The following CAB39L variants were observed in gnomAD, a reference collection of about 807,000 sequenced individuals.
CAB39L encodes calcium-binding protein 39-like.
A neutral mutation model predicts 39.1 loss-of-function variants in CAB39L; 23 were observed. The ratio of observed to expected loss-of-function variants is 0.59; its 90% confidence interval spans 0.42 to 0.83. The LOEUF is 0.83. Ranked by LOEUF, CAB39L falls within the 40% of genes least tolerant of loss-of-function variation. The pLI is 0.00. For synonymous variants in CAB39L, 126 were observed against 137.2 expected, an observed-to-expected ratio of 0.92 and a Z score of 0.57; for missense variants, 366 against 391.9, an observed-to-expected ratio of 0.93 and a Z score of 0.56.
In CAB39L at chr13:49,332,081, C is replaced by G. The variant is rs1954717356; in HGVS notation, c.700G>C (p.Glu234Gln). ...AAGTTGTGACGGTCCAGGATCAGCT[C>G]CCCTAGCAGCTAGAGGAAAACACAA... The part of the protein sequence containing the change: ...TKRQSLKLLG[E>Q]LILDRHNFAI... The change falls in exon 10 of 11, where the codon GAG (glutamate) becomes CAG (glutamine). Residue 234 changes from glutamate (E) to glutamine (Q), a missense_variant. Coordinates refer to ENST00000409308, the MANE Select transcript of CAB39L (RefSeq NM_001079670.3). 1 of 1,613,600 alleles carries G rather than the reference C, an allele frequency of 6.2e-7. No homozygotes were observed. The highest frequency in any genetic ancestry group is 1.1e-5 in the South Asian group (1 of 90,990).
intron 9 of CAB39L, among the ~76,000 whole-genome samples, chr13:49,333,568 CTTTTT>C (rs796079933): frequency 6.3e-5 from 7 of 111,888 alleles, no homozygotes; most frequent in Non-Finnish European, 1.2e-4. Flanking sequence ...TTCTTTCTTT[CTTTTT>C]TTTTTTTTTT....
intron 5 of CAB39L, 50 bp downstream of exon 5, chr13:49,376,917 A>AGATAGATAGATAGATAGATAGATC: frequency 7.0e-7 from 1 of 1,435,188 alleles, no homozygotes; most frequent in South Asian, 1.4e-5. Context: ...ATAGATAGAT[A>AGATAGATAGATAGATAGATAGATC]GATATTAAAA....
chr13:49,418,470 ACT>A (rs1340135810), intron 3 of CAB39L, among the ~76,000 whole-genome samples: 1 of 152,144 alleles, frequency 6.6e-6, no homozygotes, highest in African/African-American at 2.4e-5. Flanking sequence ...TAGTTACACA[ACT>A]CTGTGAACAT....
At chr13:49,346,049 T>G (rs1473301284) in intron 7 of CAB39L, among the ~76,000 whole-genome samples, 1 of 98,314 alleles carries the variant, frequency 1.0e-5, no homozygotes, top group Non-Finnish European at 2.0e-5. Context: ...TGGGGTAGAA[T>G]TCCTCCAGCA....
chr13:49,418,598 C>T (rs376703283), intron 3 of CAB39L, among the ~76,000 whole-genome samples: 1 of 152,156 alleles, frequency 6.6e-6, no homozygotes. Context: ...GACACAGTCT[C>T]GCTCTTGTCA....
At chr13:49,364,474 T>C (rs1955719292) in intron 5 of CAB39L, among the ~76,000 whole-genome samples, 1 of 152,174 alleles carries the variant, frequency 6.6e-6, no homozygotes, top group Non-Finnish European at 1.5e-5. Context: ...ATGAAGGGCA[T>C]CCAAATTGGT....
In CAB39L at chr13:49,350,125, C is replaced by G. The variant is rs371286912; in HGVS notation, c.564+619G>C. Among the ~76,000 whole-genome samples, 16 of 152,180 alleles carry G rather than the reference C, an allele frequency of 1.1e-4. No homozygotes were observed. In the East Asian group the frequency reaches 2.7e-3, roughly 26 times the overall value. ...ATAAAAAAGTTCTGGTAGTTGGTTGCCTAACAATGTGAATATATTGCATCC... is the reference window on the plus strand; with the variant it reads ...ATAAAAAAGTTCTGGTAGTTGGTTGGCTAACAATGTGAATATATTGCATCC... On this transcript the variant is annotated intron_variant, in intron 7 of 10. Coordinates refer to ENST00000409308, the MANE Select transcript of CAB39L (RefSeq NM_001079670.3).
chr13:49,373,392 T>C (rs914662611), intron 5 of CAB39L, among the ~76,000 whole-genome samples: 1 of 152,224 alleles, frequency 6.6e-6, no homozygotes, highest in African/African-American at 2.4e-5. Flanking sequence ...GTAAGGAATG[T>C]GCCATTCTCC....
intron 1 of CAB39L, among the ~76,000 whole-genome samples, chr13:49,442,643 T>C (rs1957546568): frequency 6.6e-6 from 1 of 151,762 alleles, no homozygotes; most frequent in Non-Finnish European, 1.5e-5. Flanking sequence ...AATACAAAAA[T>C]TAGCTGGGCG....
chr13:49,350,483 T>C (rs1955313608), intron 7 of CAB39L, among the ~76,000 whole-genome samples: 1 of 152,228 alleles, frequency 6.6e-6, no homozygotes, highest in South Asian at 2.1e-4. Context: ...GCACTACATA[T>C]TCCTTTCCCA....
intron 10 of CAB39L, among the ~76,000 whole-genome samples, chr13:49,329,982 G>A (rs777586702): frequency 2.6e-5 from 4 of 151,974 alleles, no homozygotes; most frequent in African/African-American, 4.8e-5. Flanking sequence ...GAAGTTCCAG[G>A]GGCTAAACGT....
At chr13:49,428,090 G>A (rs566538172) in intron 3 of CAB39L, among the ~76,000 whole-genome samples, 1 of 152,344 alleles carries the variant, frequency 6.6e-6, no homozygotes, top group African/African-American at 2.4e-5. Flanking sequence ...TCTAGTGCCA[G>A]TATCAAATTA....
At chr13:49,331,414 C>T (rs1051790682) in intron 10 of CAB39L, among the ~76,000 whole-genome samples, 6 of 151,892 alleles carry the variant, frequency 4.0e-5, no homozygotes, top group Non-Finnish European at 5.9e-5. Flanking sequence ...TGCAGTGAGC[C>T]GAGATCGCAC....
At chr13:49,416,240 C>T (rs1957082850) in intron 3 of CAB39L, among the ~76,000 whole-genome samples, 1 of 152,182 alleles carries the variant, frequency 6.6e-6, no homozygotes, top group Non-Finnish European at 1.5e-5. Context: ...AAAGTAGAGC[C>T]AGTGGCCTAT....
At chr13:49,322,277 C>T (rs1412965244) in intron 10 of CAB39L, among the ~76,000 whole-genome samples, 8 of 152,190 alleles carry the variant, frequency 5.3e-5, no homozygotes, top group African/African-American at 1.7e-4. Context: ...GCTTCTTTCA[C>T]GTAGCACAAT....
intron 3 of CAB39L, among the ~76,000 whole-genome samples, chr13:49,419,582 C>G (rs995129460): frequency 9.9e-5 from 15 of 152,032 alleles, no homozygotes; most frequent in Non-Finnish European, 1.6e-4. Flanking sequence ...AACCCTGTCT[C>G]AAAAAATAGG....
At chr13:49,406,985 G>C (rs9535232) in intron 3 of CAB39L, among the ~76,000 whole-genome samples, 35,196 of 152,072 alleles carry the variant, frequency 0.23, 4,144 homozygotes, top group African/African-American at 0.26. Context: ...ATTATTTTAC[G>C]TGTTATAAAA....
At chr13:49,351,655 G>A (rs1465121681) in intron 6 of CAB39L, among the ~76,000 whole-genome samples, 2 of 152,186 alleles carry the variant, frequency 1.3e-5, no homozygotes, top group Non-Finnish European at 2.9e-5. Flanking sequence ...GAGAATGTCT[G>A]TAAAACAGCA....
At chr13:49,370,345 T>C (rs1358094581) in intron 5 of CAB39L, among the ~76,000 whole-genome samples, 1 of 152,210 alleles carries the variant, frequency 6.6e-6, no homozygotes, top group East Asian at 1.9e-4. Flanking sequence ...TGCCCCAATA[T>C]CTTTGTCATT....
Sources: gnomAD v4.1 joint callset for allele counts (sites outside exome capture counted in the v4.1 genomes callset) on GRCh38, gnomAD v4.1.1 for gene constraint, MANE v1.5 for transcripts, NCBI Gene and HGNC (gene_info 2026-07-23, HGNC 2026-07-21) for gene names.